The following PELI2 variants were observed in gnomAD, a reference collection of about 807,000 sequenced individuals.
The protein encoded by PELI2 is pellino E3 ubiquitin protein ligase family member 2, also known as E3 ubiquitin-protein ligase pellino homolog 2.
A neutral mutation model predicts 42.3 loss-of-function variants in PELI2; 23 were observed. That is an observed-to-expected ratio of 0.54 (90% CI 0.39 to 0.77). The LOEUF (loss-of-function observed/expected upper bound fraction) is 0.77. Ranked by LOEUF, PELI2 falls within the 30% of genes least tolerant of loss-of-function variation. The pLI is 0.00. For synonymous variants in PELI2, 245 were observed against 212.2 expected (o/e 1.15, Z -1.34); for missense variants, 463 against 553.2 (o/e 0.84, Z 1.64).
chr14:56,256,253 C>CA (rs1888523670), intron 2 of PELI2, among the ~76,000 whole-genome samples: 3 of 151,908 alleles, frequency 2.0e-5, no homozygotes, highest in Admixed American at 6.6e-5. Context: ...CATAGTGAGA[C>CA]CCATCTCTCC....
chr14:56,247,796 A>G (rs1437346809), intron 2 of PELI2, among the ~76,000 whole-genome samples: 1 of 152,242 alleles, frequency 6.6e-6, no homozygotes, highest in Non-Finnish European at 1.5e-5. Flanking sequence ...ATGTATAGAA[A>G]TGTCGAGACA....
chr14:56,218,332 A>G (rs1350759977), intron 2 of PELI2, among the ~76,000 whole-genome samples: 1 of 152,250 alleles, frequency 6.6e-6, no homozygotes, highest in Non-Finnish European at 1.5e-5. Flanking sequence ...CTAGTGTTCA[A>G]CATATAAGCC....
intron 1 of PELI2, among the ~76,000 whole-genome samples, chr14:56,151,718 C>T (rs1352739952): frequency 6.6e-6 from 1 of 152,140 alleles, no homozygotes; most frequent in Non-Finnish European, 1.5e-5. Flanking sequence ...AGAACAGTAT[C>T]AAGTAAGCAT....
At chr14:56,207,567 T>G (rs113808687) in intron 2 of PELI2, among the ~76,000 whole-genome samples, 1 of 152,194 alleles carries the variant, frequency 6.6e-6, no homozygotes, top group African/African-American at 2.4e-5. Context: ...TGTATTTACA[T>G]AGAAATGAGA....
At chr14:56,289,629 G>A (rs1889762488) in intron 4 of PELI2, among the ~76,000 whole-genome samples, 1 of 146,996 alleles carries the variant, frequency 6.8e-6, no homozygotes, top group Admixed American at 6.7e-5. Context: ...CCCCGCCCCA[G>A]CCACATGAAC....
intron 2 of PELI2, among the ~76,000 whole-genome samples, chr14:56,270,453 C>G (rs1411030497): frequency 1.3e-5 from 2 of 152,206 alleles, no homozygotes; most frequent in African/African-American, 4.8e-5. Flanking sequence ...CTCATCTTCC[C>G]TGTAGCAAAT....
At chr14:56,293,608 G>A (rs1889906037) in intron 5 of PELI2, among the ~76,000 whole-genome samples, 1 of 152,206 alleles carries the variant, frequency 6.6e-6, no homozygotes, top group African/African-American at 2.4e-5. Context: ...GCAAACTGGG[G>A]ATGTGGCAGA....
At chr14:56,241,646 C>T (rs1255464234) in intron 2 of PELI2, among the ~76,000 whole-genome samples, 2 of 151,984 alleles carry the variant, frequency 1.3e-5, no homozygotes, top group Non-Finnish European at 2.9e-5. Flanking sequence ...CACACCAGGG[C>T]ACTTTATTGT....
intron 5 of PELI2, among the ~76,000 whole-genome samples, chr14:56,291,306 C>T (rs1463053919): frequency 2.0e-5 from 3 of 152,142 alleles, no homozygotes; most frequent in African/African-American, 7.2e-5. Context: ...TGACCTAGCA[C>T]TTGTCAGAGA....
At chr14:56,124,525 G>A (rs192484987) in intron 1 of PELI2, among the ~76,000 whole-genome samples, 1 of 152,186 alleles carries the variant, frequency 6.6e-6, no homozygotes, top group Non-Finnish European at 1.5e-5. Flanking sequence ...TTTTGTCCCA[G>A]CCTCTTTGTG....
intron 2 of PELI2, among the ~76,000 whole-genome samples, chr14:56,210,842 G>A (rs1314776124): frequency 5.3e-5 from 8 of 152,170 alleles, no homozygotes; most frequent in Non-Finnish European, 1.2e-4. Flanking sequence ...AGCTATTTCT[G>A]TCTGACCTAT....
intron 1 of PELI2, among the ~76,000 whole-genome samples, chr14:56,175,692 TTTAAA>T (rs904522434): frequency 6.6e-6 from 1 of 152,220 alleles, no homozygotes; most frequent in African/African-American, 2.4e-5. Context: ...GCTTAGGCAA[TTTAAA>T]TTAAAATGTT....
At chr14:56,126,656 T>C (rs1221743688) in intron 1 of PELI2, among the ~76,000 whole-genome samples, 1 of 152,190 alleles carries the variant, frequency 6.6e-6, no homozygotes, top group Non-Finnish European at 1.5e-5. Flanking sequence ...TGCTTCCTGC[T>C]CCATGATTAT....
intron 2 of PELI2, among the ~76,000 whole-genome samples, chr14:56,277,123 A>G (rs1475532262): frequency 3.9e-5 from 6 of 152,288 alleles, no homozygotes; most frequent in Non-Finnish European, 7.4e-5. Flanking sequence ...TAAAGTGGCG[A>G]GGAAGTGTCT....
chr14:56,267,188 G>T (rs1450271596), intron 2 of PELI2, among the ~76,000 whole-genome samples: 1 of 151,938 alleles, frequency 6.6e-6, no homozygotes, highest in African/African-American at 2.4e-5. Flanking sequence ...GAACCCGAGG[G>T]ACCCCATAAA....
At chr14:56,173,393 A>AG (rs1229015171) in intron 1 of PELI2, among the ~76,000 whole-genome samples, 1 of 151,770 alleles carries the variant, frequency 6.6e-6, no homozygotes, top group African/African-American at 2.4e-5. Context: ...TATTTTTGTA[A>AG]GGTTTTTTTT....
intron 2 of PELI2, among the ~76,000 whole-genome samples, chr14:56,253,927 C>T (rs1179345379): frequency 6.6e-6 from 1 of 152,188 alleles, no homozygotes; most frequent in African/African-American, 2.4e-5. Flanking sequence ...AGGCATCACA[C>T]TACCTGACTT....
intron 2 of PELI2, among the ~76,000 whole-genome samples, chr14:56,178,982 TAGA>T (rs903113326): frequency 1.3e-5 from 2 of 152,134 alleles, no homozygotes; most frequent in African/African-American, 4.8e-5. Flanking sequence ...GTGTGGCTCA[TAGA>T]AGGATGAAAA....
At chr14:56,272,866 G>A (rs1002287368) in intron 2 of PELI2, among the ~76,000 whole-genome samples, 2 of 152,172 alleles carry the variant, frequency 1.3e-5, no homozygotes, top group Non-Finnish European at 2.9e-5. Flanking sequence ...CACCTGTTCC[G>A]TTCTCTTGGG....
Sources: gnomAD v4.1 joint callset for allele counts (sites outside exome capture counted in the v4.1 genomes callset) on GRCh38, gnomAD v4.1.1 for gene constraint, MANE v1.5 for transcripts, NCBI Gene and HGNC (gene_info 2026-07-23, HGNC 2026-07-21) for gene names.